The following CCNE2 variants were observed in gnomAD, a reference collection of about 807,000 sequenced individuals.
CCNE2 encodes the protein G1/S-specific cyclin-E2.
CCNE2 carries 18 observed loss-of-function variants against 56.8 expected under a neutral mutation model. That is an observed-to-expected ratio of 0.32 (90% CI 0.22 to 0.47). The LOEUF is 0.47. Ranked by LOEUF, CCNE2 falls within the 20% of genes least tolerant of loss-of-function variation. CCNE2 has a pLI of 1.00. For missense variants in CCNE2, 371 were observed against 467.1 expected (o/e 0.79, Z 1.90); for synonymous variants, 139 against 149.2 (o/e 0.93, Z 0.50).
chr8:94,883,715 A>G (rs1314168097), intron 9 of CCNE2: 2 of 282,318 alleles, frequency 7.1e-6, no homozygotes, highest in Non-Finnish European at 1.5e-5. Flanking sequence ...TGAAGCAGAC[A>G]GACTAGAAGA....
chr8:94,894,988 A>G (rs1207107955), intron 1 of CCNE2, among the ~76,000 whole-genome samples, 189 bp downstream of exon 1: 4 of 152,240 alleles, frequency 2.6e-5, no homozygotes, highest in Non-Finnish European at 5.9e-5. Context: ...GCGGCTCTCC[A>G]TGCCCAGCCG....
In CCNE2 at chr8:94,881,369, G is replaced by A. The variant is rs1490972592; in HGVS notation, c.*263C>T. 7.9e-6 allele frequency: 4 copies of A among 504,136 alleles called. No individual in the cohort carries two copies. Among genetic ancestry groups the A allele is most frequent in the Middle Eastern group, 5.1e-4 (1 of 1,960 alleles). 31.2% of individuals were successfully genotyped at this position (504,136 alleles called of 1,614,324 possible). ...GAAAAACATTGCTATGGTATAGACT[G>A]TGGTTGGCTTCTATCCAGTAACCTT... On this transcript the variant is annotated 3_prime_UTR_variant, in exon 12 of 12. Coordinates refer to ENST00000308108, the MANE Select transcript of CCNE2 (RefSeq NM_057749.3).
intron 7 of CCNE2, among the ~76,000 whole-genome samples, 169 bp from the exon 8 acceptor site, chr8:94,885,727 C>CTTT (rs747420459): frequency 5.1e-4 from 58 of 114,124 alleles, no homozygotes; most frequent in Non-Finnish European, 6.0e-4. Flanking sequence ...CATTTTCTTT[C>CTTT]TTTTTTTTTT....
At chr8:94,882,058 T>A in intron 11 of CCNE2, 74 bp downstream of exon 11, 1 of 1,412,556 alleles carries the variant, frequency 7.1e-7, no homozygotes, top group East Asian at 2.3e-5. Flanking sequence ...GAAGGAGTAC[T>A]CTATTCCTAC....
In CCNE2 at chr8:94,882,777, T is replaced by C. The variant is rs148610156; in HGVS notation, c.943+4A>G. ...GTAAGAAGACAACAAATAGAGAGTC[T>C]TACCTGAGGCTTTCTTAACCACTTC... On this transcript the variant is annotated splice_donor_region_variant and intron_variant, in intron 10 of 11. Transcript: ENST00000308108. 160 of 1,597,006 alleles carry C rather than the reference T, an allele frequency of 1.0e-4. No individual in the cohort carries two copies. In the African/African-American group the frequency reaches 2.0e-3, roughly 20 times the overall value.
In CCNE2 at chr8:94,880,298, G is replaced by T; in HGVS notation, c.*1334C>A. ...GGCTAAAAATAAACAGTATTAAAAG[G>T]TTAAGTTTATATAATACATATGTAC... On this transcript the variant is annotated 3_prime_UTR_variant, in exon 12 of 12. Coordinates refer to ENST00000308108, the MANE Select transcript of CCNE2 (RefSeq NM_057749.3). 1 of 851,998 alleles carries T rather than the reference G, an allele frequency of 1.2e-6. No individual in the cohort carries two copies. Among genetic ancestry groups the T allele is most frequent in the East Asian group, 2.7e-5 (1 of 37,340 alleles). 52.8% of individuals were successfully genotyped at this position (851,998 alleles called of 1,614,324 possible).
rs16917106 is a variant in CCNE2, at chr8:94,882,018, C to G, written c.1101+114G>C. On this transcript the variant is annotated intron_variant, in intron 11 of 11. Coordinates refer to ENST00000308108, the MANE Select transcript of CCNE2 (RefSeq NM_057749.3). ...TCTACATTTTGAAATCAGTGTGCCC[C>G]TTAGAACTTTCTTTCCCCTGAAACT... 9 of 1,080,624 alleles carry G rather than the reference C, an allele frequency of 8.3e-6. No individual in the cohort carries two copies. In the East Asian group the frequency reaches 1.9e-4, roughly 23 times the overall value. The allele number at this position is 1,080,624 out of a possible 1,614,324, so 66.9% of individuals were successfully genotyped here.
chr8:94,894,003 C>T lies in CCNE2; in HGVS notation c.111+20G>A. On this transcript the variant is annotated intron_variant, in intron 3 of 11. Transcript: ENST00000308108. Reference sequence around the variant, plus strand: ...GTCCCAGCATGGAATTTCGTTCCTCCCTCTTTCTCCTTAAATCACCTGGGT... The same window carrying T: ...GTCCCAGCATGGAATTTCGTTCCTCTCTCTTTCTCCTTAAATCACCTGGGT... 6.2e-7 allele frequency: 1 copy of T among 1,613,736 alleles called. No individual in the cohort carries two copies. The highest frequency in any genetic ancestry group is 8.5e-7 in the Non-Finnish European group (1 of 1,179,780).
In CCNE2 at chr8:94,882,154, T is replaced by C. The variant is rs1816843619; in HGVS notation, c.1079A>G (p.His360Arg). 3.7e-6 allele frequency: 6 copies of C among 1,611,198 alleles called. No individual in the cohort carries two copies. The highest frequency in any genetic ancestry group is 5.1e-6 in the Non-Finnish European group (6 of 1,179,148). ...TACCAGCATAGCCAAATAGTTTGTA[T>C]GTGTCTGGATATTATGTCTGTCTTC... ...PMEDRHNIQT[H>R]TNYLAMLEEV... The change falls in exon 11 of 12, where the codon CAT (histidine) becomes CGT (arginine). Residue 360 changes from histidine (H) to arginine (R), a missense_variant. Transcript: ENST00000308108.
intron 1 of CCNE2, among the ~76,000 whole-genome samples, chr8:94,894,825 G>A (rs1261331731): frequency 1.3e-5 from 2 of 152,226 alleles, no homozygotes; most frequent in Non-Finnish European, 2.9e-5. Flanking sequence ...GAAGCGGAGG[G>A]CGTGGGGGAG....
At chr8:94,895,390 C>G (rs1420892493), upstream of CCNE2, 1 of 344,864 alleles carries the variant, frequency 2.9e-6, no homozygotes, top group East Asian at 1.7e-4. Context: ...TCTACCGGGC[C>G]TTCTGCCCGC....
intron 9 of CCNE2, chr8:94,883,981 C>T (rs1017292851): frequency 2.5e-5 from 11 of 447,348 alleles, no homozygotes; most frequent in African/African-American, 6.0e-5. Context: ...CATTGTTTAT[C>T]GGCTTATCAA....
chr8:94,885,930 A>G (rs79932829), intron 7 of CCNE2, among the ~76,000 whole-genome samples: 5,156 of 151,972 alleles, frequency 0.034, 92 homozygotes, highest in Non-Finnish European at 0.04. Flanking sequence ...TGTAGGCCAG[A>G]TTGGTCTCAA....
intron 7 of CCNE2, among the ~76,000 whole-genome samples, chr8:94,886,553 T>C (rs1817048888): frequency 6.7e-6 from 1 of 150,166 alleles, no homozygotes; most frequent in African/African-American, 2.5e-5. Flanking sequence ...CAAGAAAAAA[T>C]AGCCAGGCAT....
Position 94,880,897 on chromosome 8 carries a change from C to A in CCNE2, c.*735G>T. 2.5e-6 allele frequency: 1 copy of A among 398,758 alleles called. No homozygotes were observed. Among genetic ancestry groups the A allele is most frequent in the South Asian group, 1.3e-4 (1 of 7,860 alleles). The allele number at this position is 398,758 out of a possible 1,614,324, so 24.7% of individuals were successfully genotyped here. A position where few individuals can be genotyped will look rare whatever the true frequency, so the allele number is the denominator to read the frequency against. On this transcript the variant is annotated 3_prime_UTR_variant, in exon 12 of 12. Coordinates refer to ENST00000308108, the MANE Select transcript of CCNE2 (RefSeq NM_057749.3). ...GGTTATTACCAAGCAACCTACATGT[C>A]AAGAAAGCCCCAGTTAGGAAGGAGC...
chr8:94,885,095 G>C lies in CCNE2; in HGVS notation c.803C>G (p.Ser268Cys). ...AGCTATTTGAATGAATGTTTCCTGA[G>C]AATACTGAGGTAGAAGAACTTTAGG... ...DAPKVLLPQY[S>C]QETFIQIAQL... Residue 268 changes from serine to cysteine, a missense_variant, in exon 9 of 12, where the codon TCT becomes TGT. By Grantham distance (112) the Ser-to-Cys change is moderately radical. Transcript: ENST00000308108. The C allele has an allele frequency of 6.2e-7, 1 of 1,613,244 alleles. No homozygotes were observed.
rs188409360 is a variant in CCNE2, at chr8:94,893,223, G to A, written c.166-254C>T. ...ATAGAAGACACCAGGTGTCGAAGAA[G>A]GACAGTAATAACAAAATGCATCTGC... On this transcript the variant is annotated intron_variant, in intron 4 of 11. Coordinates refer to ENST00000308108, the MANE Select transcript of CCNE2 (RefSeq NM_057749.3). Among the ~76,000 whole-genome samples, 315 of 151,698 alleles carry A rather than the reference G, an allele frequency of 2.1e-3. 3 individuals carry two copies. Among genetic ancestry groups the A allele is most frequent in the African/African-American group, 7.5e-3 (310 of 41,354 alleles).
chr8:94,886,940 G>C (rs1162554934), intron 7 of CCNE2, among the ~76,000 whole-genome samples: 1 of 152,116 alleles, frequency 6.6e-6, no homozygotes, highest in Non-Finnish European at 1.5e-5. Context: ...TTTCAAGTAA[G>C]GATAGACTGA....
Position 94,882,910 on chromosome 8 carries a change from AG to A in CCNE2, c.832-19del. ...TCTAAAAGCTAACAGGAAAAACAAA[AG>A]TACAAGCAATTTAGGAGAAAGATGA... is the stretch of plus-strand genomic sequence containing the variant. On this transcript the variant is annotated intron_variant, in intron 9 of 11. Coordinates refer to ENST00000308108, the MANE Select transcript of CCNE2 (RefSeq NM_057749.3). 1 of 1,490,980 alleles carries A rather than the reference AG, an allele frequency of 6.7e-7. No homozygotes were observed. The highest frequency in any genetic ancestry group is 2.3e-5 in the East Asian group (1 of 44,264). 92.4% of individuals were successfully genotyped at this position (1,490,980 alleles called of 1,614,324 possible).
Sources: gnomAD v4.1 joint callset for allele counts (sites outside exome capture counted in the v4.1 genomes callset) on GRCh38, gnomAD v4.1.1 for gene constraint, MANE v1.5 for transcripts, NCBI Gene and HGNC (gene_info 2026-07-23, HGNC 2026-07-21) for gene names.